The following RNF217 variants were observed in gnomAD, a reference collection of about 807,000 sequenced individuals.
RNF217 encodes E3 ubiquitin-protein ligase RNF217.
RNF217 carries 31 observed loss-of-function variants against 57.8 expected under a neutral mutation model. That is an observed-to-expected ratio of 0.54 (90% CI 0.40 to 0.72). The LOEUF (loss-of-function observed/expected upper bound fraction) is 0.72. Ranked by LOEUF, RNF217 falls within the 30% of genes least tolerant of loss-of-function variation. The pLI, the probability that RNF217 is intolerant of heterozygous loss-of-function variation, is 0.00. For missense variants in RNF217, 696 were observed against 708.3 expected, an observed-to-expected ratio of 0.98 and a Z score of 0.20; for synonymous variants, 313 against 294.0, an observed-to-expected ratio of 1.06 and a Z score of -0.66.
intron 5 of RNF217, among the ~76,000 whole-genome samples, chr6:125,082,293 G>GT (rs969722322): frequency 1.3e-5 from 2 of 152,012 alleles, no homozygotes; most frequent in Admixed American, 6.6e-5. Context: ...ATTAGATGGG[G>GT]TTTTTTTGCT....
intron 1 of RNF217, among the ~76,000 whole-genome samples, chr6:125,005,587 T>G (rs1044077060): frequency 3.9e-5 from 6 of 152,228 alleles, no homozygotes; most frequent in Admixed American, 1.3e-4. Flanking sequence ...TAAAGTTTCC[T>G]TTGAAAATCT....
At chr6:125,055,420 T>A (rs1787485585) in intron 2 of RNF217, among the ~76,000 whole-genome samples, 1 of 152,180 alleles carries the variant, frequency 6.6e-6, no homozygotes, top group Non-Finnish European at 1.5e-5. Flanking sequence ...ATTATTCTGA[T>A]GCCTTAGGAG....
chr6:125,082,265 T>C (rs1788601092), intron 5 of RNF217, among the ~76,000 whole-genome samples: 1 of 152,124 alleles, frequency 6.6e-6, no homozygotes, highest in South Asian at 2.1e-4. Context: ...AAAGGCTGCT[T>C]TGATCATTGT....
In RNF217 at chr6:125,091,007, T is replaced by G. The variant is rs977497099; in HGVS notation, c.*8070T>G. On this transcript the variant is annotated 3_prime_UTR_variant, in exon 6 of 6. Transcript: ENST00000521654. The stretch of plus-strand genomic sequence containing the variant: ...CTCAAAAGAAATTGCAAAGGAAAAA[T>G]TACGTTGAGATGAAATGTTGAGAAA... 1 of 151,984 alleles carries G rather than the reference T, an allele frequency of 6.6e-6. No individual in the cohort carries two copies. The highest frequency in any genetic ancestry group is 2.4e-5 in the African/African-American group (1 of 41,442). The allele number at this position is 151,984 out of a possible 1,614,324, so 9.4% of individuals were successfully genotyped here.
intron 1 of RNF217, among the ~76,000 whole-genome samples, chr6:125,033,482 A>G (rs1367100307): frequency 6.7e-6 from 1 of 149,646 alleles, no homozygotes; most frequent in Non-Finnish European, 1.5e-5. Flanking sequence ...ACTGAGAATG[A>G]TGATTTCCAA....
chr6:124,971,549 AG>A (rs1438776246), intron 1 of RNF217: 1 of 281,008 alleles, frequency 3.6e-6, no homozygotes, highest in African/African-American at 2.3e-5. Flanking sequence ...TCCACATCCC[AG>A]GTTCAAGCGA....
chr6:125,014,914 C>A (rs1013823013), intron 1 of RNF217, among the ~76,000 whole-genome samples: 2 of 152,136 alleles, frequency 1.3e-5, no homozygotes, highest in African/African-American at 2.4e-5. Context: ...TCCTAATAAA[C>A]CATGTTGACC....
chr6:125,057,681 A>T (rs919214287), intron 2 of RNF217, among the ~76,000 whole-genome samples: 2 of 152,084 alleles, frequency 1.3e-5, no homozygotes, highest in Admixed American at 6.6e-5. Flanking sequence ...TAAATCTGGG[A>T]GATTTTCTTA....
At position 125,092,572 on chromosome 6, in the gene RNF217, G is replaced by A. The variant is rs762795462; in HGVS notation, c.*9635G>A. On this transcript the variant is annotated 3_prime_UTR_variant, in exon 6 of 6. Transcript: ENST00000521654. ...TGTGGAGTGCTGTTTACCACATGAT[G>A]TGTGCAATACATCATGCAATGTTAT... 6.6e-6 allele frequency: 1 copy of A among 152,158 alleles called. No individual in the cohort carries two copies. Among genetic ancestry groups the A allele is most frequent in the Non-Finnish European group, 1.5e-5 (1 of 68,034 alleles). 9.4% of individuals were successfully genotyped at this position (152,158 alleles called of 1,614,324 possible).
chr6:124,995,034 T>A (rs1016310241), intron 1 of RNF217, among the ~76,000 whole-genome samples: 2 of 152,204 alleles, frequency 1.3e-5, no homozygotes, highest in African/African-American at 4.8e-5. Flanking sequence ...TATAGTTCTA[T>A]TAAGAAAAAT....
chr6:124,972,683 A>G (rs1421784457), intron 1 of RNF217, among the ~76,000 whole-genome samples: 7 of 151,986 alleles, frequency 4.6e-5, no homozygotes, highest in African/African-American at 1.7e-4. Context: ...GTCTTAGGGG[A>G]ATCCTCTTTC....
At chr6:124,971,110 A>G (rs1783743378) in intron 1 of RNF217, 1 of 152,320 alleles carries the variant, frequency 6.6e-6, no homozygotes, top group Non-Finnish European at 1.5e-5. Context: ...TAACTTGCCC[A>G]AAATCTCAAA....
intron 2 of RNF217, among the ~76,000 whole-genome samples, chr6:125,056,038 G>T (rs1304677359): frequency 1.3e-5 from 2 of 151,696 alleles, no homozygotes; most frequent in Non-Finnish European, 2.9e-5. Context: ...AGTAGATCTT[G>T]AAAAGAATTT....
At chr6:125,010,874 G>T (rs1376239853) in intron 1 of RNF217, among the ~76,000 whole-genome samples, 1 of 152,046 alleles carries the variant, frequency 6.6e-6, no homozygotes, top group Non-Finnish European at 1.5e-5. Context: ...GCCCTCCCAG[G>T]TCTACCACGG....
intron 1 of RNF217, among the ~76,000 whole-genome samples, chr6:125,036,091 GAC>G (rs1786603686): frequency 6.6e-6 from 1 of 151,626 alleles, no homozygotes; most frequent in African/African-American, 2.4e-5. Context: ...CCTACCCCCT[GAC>G]AGGCCTCGGT....
chr6:124,964,153 A>G (rs1413560192), intron 1 of RNF217, among the ~76,000 whole-genome samples: 1 of 152,236 alleles, frequency 6.6e-6, no homozygotes, highest in Non-Finnish European at 1.5e-5. Flanking sequence ...GCACCAGACC[A>G]GCTTTCCTTC....
intron 1 of RNF217, chr6:124,983,405 G>A (rs1784248737): frequency 1.0e-6 from 1 of 984,942 alleles, no homozygotes; most frequent in Non-Finnish European, 1.2e-6. Flanking sequence ...GAAGATTAAG[G>A]TAGAGAGTGA....
At chr6:125,028,808 C>G (rs182761549) in intron 1 of RNF217, among the ~76,000 whole-genome samples, 1 of 151,696 alleles carries the variant, frequency 6.6e-6, no homozygotes, top group African/African-American at 2.4e-5. Context: ...TGTTAAATTA[C>G]TGTGATGTGT....
intron 1 of RNF217, among the ~76,000 whole-genome samples, chr6:125,038,918 A>G (rs988950423): frequency 6.6e-6 from 1 of 151,992 alleles, no homozygotes; most frequent in African/African-American, 2.4e-5. Flanking sequence ...GTTTGCTGCA[A>G]CTATCAACCC....
Sources: gnomAD v4.1 joint callset for allele counts (sites outside exome capture counted in the v4.1 genomes callset) on GRCh38, gnomAD v4.1.1 for gene constraint, MANE v1.5 for transcripts, NCBI Gene and HGNC (gene_info 2026-07-23, HGNC 2026-07-21) for gene names.